INPP5A: variants seen among roughly 807,000 people sequenced by gnomAD.
INPP5A encodes the protein inositol polyphosphate-5-phosphatase A.
In INPP5A, 14 loss-of-function variants were observed where a neutral mutation model predicts 65.2. The ratio of observed to expected loss-of-function variants is 0.21; its 90% CI spans 0.14 to 0.34. The LOEUF is 0.34. INPP5A is among the 10% of genes least tolerant of loss of function. The probability of loss-of-function intolerance (pLI) is 1.00; values close to 1 mark genes in which losing one functional copy is unlikely to be tolerated. For missense variants in INPP5A, 431 were observed against 545.6 expected (o/e 0.79, Z 2.09); for synonymous variants, 207 against 208.3 (o/e 0.99, Z 0.05).
At chr10:132,724,116 G>C (rs2134574898) in intron 8 of INPP5A, among the ~76,000 whole-genome samples, 1 of 151,536 alleles carries the variant, frequency 6.6e-6, no homozygotes, top group Non-Finnish European at 1.5e-5. Flanking sequence ...CTGTCAACAA[G>C]AAGGACTTCC....
rs1290580795 is a variant in INPP5A at position 132,741,692 on chromosome 10, C to A, written c.733-7825C>A. Among the ~76,000 whole-genome samples, 1 of 151,798 alleles carries A rather than the reference C, an allele frequency of 6.6e-6. No homozygotes were observed. Among genetic ancestry groups the A allele is most frequent in the African/African-American group, 2.4e-5 (1 of 41,352 alleles). On this transcript the variant is annotated intron_variant, in intron 9 of 15. Coordinates refer to ENST00000368594, the MANE Select transcript of INPP5A (RefSeq NM_005539.5). The surrounding 1 kb of genome is among the most constrained non-coding windows in gnomAD (Gnocchi z 4.4). ...GCGTCCGCTTGCTTTTCTCAATAGC[C>A]AATGTAAACTGAGGTGGACGTCAGT...
At chr10:132,749,977 G>T (rs1296473218) in intron 11 of INPP5A, 132 bp downstream of exon 11, 3 of 838,452 alleles carry the variant, frequency 3.6e-6, no homozygotes, top group Non-Finnish European at 6.0e-6. Context: ...TTCTGAGCCA[G>T]TGCAAGTCAG....
At chr10:132,767,873 C>T (rs1450261605) in intron 12 of INPP5A, among the ~76,000 whole-genome samples, 3 of 148,188 alleles carry the variant, frequency 2.0e-5, no homozygotes, top group African/African-American at 5.0e-5. Context: ...AGGGTGCCCA[C>T]GCACCCAATG....
chr10:132,573,592 C>T (rs1222901118), intron 1 of INPP5A, among the ~76,000 whole-genome samples: 35 of 88,164 alleles, frequency 4.0e-4, no homozygotes, highest in East Asian at 1.1e-3. Flanking sequence ...GTGTGTGTGC[C>T]GTGTGAGGTT....
intron 8 of INPP5A, among the ~76,000 whole-genome samples, chr10:132,715,497 C>G (rs1157971310): frequency 1.3e-5 from 2 of 152,216 alleles, no homozygotes; most frequent in Non-Finnish European, 2.9e-5. Context: ...TGAACAATTC[C>G]AAGCAATTAG....
intron 11 of INPP5A, among the ~76,000 whole-genome samples, chr10:132,761,371 G>T (rs1316020703): frequency 1.3e-5 from 2 of 152,228 alleles, no homozygotes; most frequent in Non-Finnish European, 2.9e-5. Context: ...AGCACTCTGG[G>T]TGCCTGCTCT....
intron 3 of INPP5A, among the ~76,000 whole-genome samples, chr10:132,647,474 C>T (rs2072512949): frequency 6.6e-6 from 1 of 152,134 alleles, no homozygotes. Context: ...ACTCAACAAA[C>T]TAATACTAAA....
chr10:132,703,468 GAC>G (rs929616394), intron 6 of INPP5A, among the ~76,000 whole-genome samples: 9 of 98,064 alleles, frequency 9.2e-5, no homozygotes, highest in African/African-American at 2.9e-4. Flanking sequence ...TTCACCCACA[GAC>G]ACACGTGGCT....
At position 132,753,742 on chromosome 10, in the gene INPP5A, A is replaced by G. The variant is rs1258563670; in HGVS notation, c.903+3897A>G. ...TAGCAACCGCTGTAGCCCCAGGTGC[A>G]TTGATTTTCTGGGCCTCTTTCCTTT... On this transcript the variant is annotated intron_variant, in intron 11 of 15. Transcript: ENST00000368594. This position sits in a 1 kb window ranked among gnomAD's most constrained non-coding sequence, Gnocchi z 5.3. 6.6e-6 allele frequency: 1 copy of G among 152,044 alleles called. No homozygotes were observed. Among genetic ancestry groups the G allele is most frequent in the African/African-American group, 2.4e-5 (1 of 41,380 alleles). The allele number at this position is 152,044 out of a possible 1,614,324, so 9.4% of individuals were successfully genotyped here.
chr10:132,670,700 A>G (rs1446295396), intron 4 of INPP5A, among the ~76,000 whole-genome samples: 1 of 151,720 alleles, frequency 6.6e-6, no homozygotes, highest in East Asian at 2.0e-4. Context: ...TTCTCCCCAG[A>G]ACACCCAGTC....
intron 1 of INPP5A, among the ~76,000 whole-genome samples, chr10:132,565,659 G>T (rs2071263716): frequency 6.6e-6 from 1 of 152,070 alleles, no homozygotes; most frequent in Admixed American, 6.6e-5. Context: ...ATGTGTGTAT[G>T]TGGGTCTATG....
In INPP5A at chr10:132,676,482, A is replaced by C. The variant is rs1029626348; in HGVS notation, c.307-13910A>C. On this transcript the variant is annotated intron_variant, in intron 4 of 15. Coordinates refer to ENST00000368594, the MANE Select transcript of INPP5A (RefSeq NM_005539.5). The surrounding 1 kb of genome is among the most constrained non-coding windows in gnomAD (Gnocchi z 4.0). ...CCTTTTTGTCTGGCATCAGCTCGTG[A>C]AATATATTACATCAGACAAAAGTCA... is the stretch of plus-strand genomic sequence containing the variant. Among the ~76,000 whole-genome samples the C allele has an allele frequency of 1.4e-4, 21 of 152,184 alleles. No individual in the cohort carries two copies. Among genetic ancestry groups the C allele is most frequent in the African/African-American group, 3.9e-4 (16 of 41,440 alleles).
rs1260399720 is a variant in INPP5A, at chr10:132,697,687, A to G, written c.371-129A>G. On this transcript the variant is annotated intron_variant, in intron 5 of 15. Coordinates refer to ENST00000368594, the MANE Select transcript of INPP5A (RefSeq NM_005539.5). This position sits in a 1 kb window ranked among gnomAD's most constrained non-coding sequence, Gnocchi z 5.6. ...TCTGTTCTGGGTCGGACCCCTCATC[A>G]GGGCCTCCTCTCGGGGGGCCTCTCT... The G allele has an allele frequency of 4.7e-5, 31 of 656,538 alleles. No homozygotes were observed. The highest frequency in any genetic ancestry group is 7.6e-5 in the Non-Finnish European group (28 of 366,598). 40.7% of individuals were successfully genotyped at this position (656,538 alleles called of 1,614,324 possible).
At chr10:132,568,617 C>T (rs964932443) in intron 1 of INPP5A, among the ~76,000 whole-genome samples, 1 of 151,862 alleles carries the variant, frequency 6.6e-6, no homozygotes, top group Admixed American at 6.6e-5. Context: ...ATTAGCCATC[C>T]GTGGTGTTGG....
In INPP5A at chr10:132,644,425, G is replaced by A. The variant is rs2072466489; in HGVS notation, c.118-1443G>A. Among the ~76,000 whole-genome samples the A allele has an allele frequency of 6.6e-6, 1 of 152,214 alleles. No homozygotes were observed. The highest frequency in any genetic ancestry group is 1.9e-4 in the East Asian group (1 of 5,190). ...AGCACAGACAGGGCCTGTCCGCCGGGCTTGGTTGGAACCATTTCTGTCTCC... is the reference window on the plus strand; with the variant it reads ...AGCACAGACAGGGCCTGTCCGCCGGACTTGGTTGGAACCATTTCTGTCTCC... On this transcript the variant is annotated intron_variant, in intron 2 of 15. Transcript: ENST00000368594. This position sits in a 1 kb window ranked among gnomAD's most constrained non-coding sequence, Gnocchi z 6.5.
chr10:132,710,911 C>G (rs1328550886), intron 8 of INPP5A, among the ~76,000 whole-genome samples: 2 of 152,088 alleles, frequency 1.3e-5, no homozygotes, highest in African/African-American at 4.8e-5. Flanking sequence ...CTGTTGGCCA[C>G]TGGGAAAGGC....
intron 1 of INPP5A, among the ~76,000 whole-genome samples, chr10:132,556,368 C>T (rs527970764): frequency 6.6e-5 from 10 of 152,300 alleles, no homozygotes; most frequent in South Asian, 2.1e-4. Flanking sequence ...GAGCCCTCTC[C>T]GTGCACCTCC....
intron 13 of INPP5A, among the ~76,000 whole-genome samples, chr10:132,778,129 A>G (rs1398476654): frequency 2.0e-5 from 3 of 152,136 alleles, no homozygotes; most frequent in Admixed American, 6.5e-5. Context: ...TCCAGCGCTC[A>G]TGGGCTGGGC....
At chr10:132,763,260 T>C (rs1846765939) in intron 11 of INPP5A, among the ~76,000 whole-genome samples, 1 of 152,210 alleles carries the variant, frequency 6.6e-6, no homozygotes, top group African/African-American at 2.4e-5. Context: ...TCTGGGCTCC[T>C]AGTCTCATAG....
Sources: allele counts gnomAD v4.1 joint callset (sites outside exome capture counted in the v4.1 genomes callset), GRCh38; gene constraint gnomAD v4.1.1; non-coding constraint Gnocchi (gnomAD v3.1); transcripts MANE v1.5; gene names NCBI Gene and HGNC (gene_info 2026-07-23, HGNC 2026-07-21).